The following TGFA variants were observed in gnomAD, a reference collection of about 807,000 sequenced individuals.
TGFA encodes protransforming growth factor alpha.
TGFA carries 12 observed loss-of-function variants against 21.7 expected under a neutral mutation model. That is an observed-to-expected ratio of 0.55 (90% CI 0.35 to 0.90). The LOEUF (loss-of-function observed/expected upper bound fraction) is 0.90, where lower values mean the gene tolerates loss of function less well. Ranked by LOEUF, TGFA falls within the 40% of genes least tolerant of loss-of-function variation. TGFA has a pLI of 0.01. For synonymous variants in TGFA, 79 were observed against 88.1 expected (o/e 0.90, Z 0.58); for missense variants, 178 against 210.8 (o/e 0.84, Z 0.96).
intron 1 of TGFA, among the ~76,000 whole-genome samples, chr2:70,532,559 C>T (rs1011934416): frequency 5.9e-5 from 9 of 152,174 alleles, no homozygotes; most frequent in Non-Finnish European, 8.8e-5. Flanking sequence ...CGGCTGGTGC[C>T]GGCCTTGTTT....
intron 2 of TGFA, among the ~76,000 whole-genome samples, chr2:70,473,207 T>C (rs1202059394): frequency 2.6e-5 from 4 of 151,996 alleles, no homozygotes; most frequent in African/African-American, 7.2e-5. Context: ...AACTCCAAGC[T>C]TGGGAGGTGA....
At chr2:70,488,029 T>C (rs1671319121) in intron 2 of TGFA, among the ~76,000 whole-genome samples, 1 of 152,252 alleles carries the variant, frequency 6.6e-6, no homozygotes, top group Admixed American at 6.5e-5. Flanking sequence ...AAGAATCTCT[T>C]ATGTTAACTG....
intron 2 of TGFA, among the ~76,000 whole-genome samples, chr2:70,489,762 A>C (rs1671373995): frequency 6.6e-6 from 1 of 152,184 alleles, no homozygotes; most frequent in South Asian, 2.1e-4. Context: ...TTGCTGTTCA[A>C]AATGTGGTCC....
chr2:70,457,773 C>A (rs1670282823), intron 3 of TGFA, among the ~76,000 whole-genome samples: 1 of 152,116 alleles, frequency 6.6e-6, no homozygotes, highest in Admixed American at 6.5e-5. Context: ...AGCTCTTGAC[C>A]TCAGGTGATC....
chr2:70,515,080 C>T (rs1302909162), intron 1 of TGFA, among the ~76,000 whole-genome samples, 168 bp from the exon 2 acceptor site: 1 of 152,182 alleles, frequency 6.6e-6, no homozygotes, highest in African/African-American at 2.4e-5. Context: ...AAAATGAGCA[C>T]ATGGGACCCC....
intron 2 of TGFA, among the ~76,000 whole-genome samples, chr2:70,485,893 T>C (rs1320274325): frequency 1.3e-5 from 2 of 152,192 alleles, no homozygotes; most frequent in Admixed American, 6.5e-5. Context: ...ACTTACTAAT[T>C]GGCTACATCA....
At chr2:70,462,031 G>A (rs577994421) in intron 3 of TGFA, among the ~76,000 whole-genome samples, 5 of 152,114 alleles carry the variant, frequency 3.3e-5, no homozygotes, top group Non-Finnish European at 5.9e-5. Flanking sequence ...ATTTTAGAAA[G>A]TGCTCCCTCT....
intron 4 of TGFA, among the ~76,000 whole-genome samples, chr2:70,454,351 G>A (rs1239765963): frequency 6.6e-6 from 1 of 152,250 alleles, no homozygotes; most frequent in Non-Finnish European, 1.5e-5. Context: ...TGGACAGCAG[G>A]GCTAAGGAGG....
At chr2:70,550,519 A>G (rs1464603284) in intron 1 of TGFA, among the ~76,000 whole-genome samples, 1 of 152,064 alleles carries the variant, frequency 6.6e-6, no homozygotes, top group East Asian at 1.9e-4. Context: ...AGAATTCATG[A>G]TGTCTAAAAG....
chr2:70,487,270 A>G (rs1156947519), intron 2 of TGFA, among the ~76,000 whole-genome samples: 1 of 152,224 alleles, frequency 6.6e-6, no homozygotes, highest in Non-Finnish European at 1.5e-5. Flanking sequence ...GATACTACTC[A>G]TGAACACTTC....
At chr2:70,486,474 G>A (rs1671274117) in intron 2 of TGFA, among the ~76,000 whole-genome samples, 1 of 151,408 alleles carries the variant, frequency 6.6e-6, no homozygotes, top group Admixed American at 6.6e-5. Flanking sequence ...TTTGTTTGTT[G>A]TTGTTGTTTG....
chr2:70,465,208 T>C (rs900044315), intron 3 of TGFA, among the ~76,000 whole-genome samples: 1 of 152,218 alleles, frequency 6.6e-6, no homozygotes, highest in African/African-American at 2.4e-5. Flanking sequence ...ATTGTGAAGA[T>C]GCTAGAGGGC....
intron 1 of TGFA, among the ~76,000 whole-genome samples, chr2:70,548,234 G>A (rs146785799): frequency 6.6e-6 from 1 of 152,264 alleles, no homozygotes; most frequent in East Asian, 1.9e-4. Flanking sequence ...GTCCCCACGA[G>A]GTCATCAAAT....
chr2:70,529,588 T>TTCCC (rs1553503449), intron 1 of TGFA, among the ~76,000 whole-genome samples: 154 of 146,610 alleles, frequency 1.1e-3, no homozygotes, highest in Non-Finnish European at 1.8e-3. Flanking sequence ...GAGGAGTGAA[T>TTCCC]CCCCCCGCCC....
chr2:70,462,707 T>C (rs992245530), intron 3 of TGFA, among the ~76,000 whole-genome samples: 2 of 152,140 alleles, frequency 1.3e-5, no homozygotes, highest in African/African-American at 2.4e-5. Context: ...ACAGCGTGGC[T>C]CACTATGTGT....
intron 1 of TGFA, among the ~76,000 whole-genome samples, chr2:70,551,593 A>G (rs1673510849): frequency 6.6e-6 from 1 of 152,188 alleles, no homozygotes; most frequent in Admixed American, 6.5e-5. Context: ...TGCAAAGTAA[A>G]GCTATATGTG....
chr2:70,482,847 C>A (rs560249978), intron 2 of TGFA, among the ~76,000 whole-genome samples: 1 of 152,138 alleles, frequency 6.6e-6, no homozygotes, highest in Non-Finnish European at 1.5e-5. Context: ...AAAGTCTCAA[C>A]AGGAAAGAAG....
At chr2:70,539,777 A>C (rs1442970262) in intron 1 of TGFA, among the ~76,000 whole-genome samples, 2 of 152,168 alleles carry the variant, frequency 1.3e-5, no homozygotes, top group Non-Finnish European at 2.9e-5. Context: ...TCAATCTTGC[A>C]TCCTATTCAT....
chr2:70,539,149 C>T (rs560550607), intron 1 of TGFA, among the ~76,000 whole-genome samples: 49 of 152,322 alleles, frequency 3.2e-4, no homozygotes, highest in African/African-American at 1.1e-3. Flanking sequence ...TGCTATTGCA[C>T]ACTTAATAGA....
Sources: allele counts gnomAD v4.1 joint callset (sites outside exome capture counted in the v4.1 genomes callset), GRCh38; gene constraint gnomAD v4.1.1; transcripts MANE v1.5; gene names NCBI Gene and HGNC (gene_info 2026-07-23, HGNC 2026-07-21).